The following NBEA variants were observed in gnomAD, a reference collection of about 807,000 sequenced individuals.
The protein encoded by NBEA is neurobeachin, also known as lysosomal-trafficking regulator 2.
In NBEA, 44 loss-of-function variants were observed where a neutral mutation model predicts 343.4. The observed-to-expected ratio is 0.13, with a 90% CI of 0.10 to 0.16. The LOEUF is 0.16. NBEA is among the 10% of genes least tolerant of loss of function. The pLI, the probability that NBEA is intolerant of heterozygous loss-of-function variation, is 1.00. For missense variants in NBEA, 2,555 were observed against 3,631.3 expected, an observed-to-expected ratio of 0.70 and a Z score of 7.62; for synonymous variants, 1,175 against 1,238.7, an observed-to-expected ratio of 0.95 and a Z score of 1.08.
At chr13:35,191,179 T>C (rs2072163232) in intron 30 of NBEA, among the ~76,000 whole-genome samples, 1 of 152,088 alleles carries the variant, frequency 6.6e-6, no homozygotes, top group Non-Finnish European at 1.5e-5. Context: ...AACATATGTA[T>C]ACTGGGAGTC....
Position 35,159,376 on chromosome 13 carries a change from G to A in NBEA, c.3205G>A (p.Val1069Ile). Reference protein sequence around the residue: ...IKAEKVEATEVKLDDMDLSPE... With the variant: ...IKAEKVEATEIKLDDMDLSPE... ...AGCAGAGAAAGTGGAAGCAACAGAA[G>A]TAAAGCTCGATGATATGGATTTATC... Residue 1069 changes from valine to isoleucine, a missense_variant, in exon 22 of 59, where the codon GTA becomes ATA. This residue lies in a region of NBEA where 367 missense variants were observed against 377.5 expected (regional missense o/e 0.97). Coordinates refer to ENST00000379939, the MANE Select transcript of NBEA (RefSeq NM_001385012.1). 1 of 1,613,494 alleles carries A rather than the reference G, an allele frequency of 6.2e-7. No individual in the cohort carries two copies. The highest frequency in any genetic ancestry group is 8.5e-7 in the Non-Finnish European group (1 of 1,179,680).
Position 35,424,463 on chromosome 13 carries a change from G to A in NBEA, c.6180-7806G>A, listed in dbSNP as rs78156390. Among the ~76,000 whole-genome samples the A allele has an allele frequency of 4.3e-3, 649 of 152,204 alleles. 1 individual carries two copies. The highest frequency in any genetic ancestry group is 0.013 in the African/African-American group (525 of 41,530). On this transcript the variant is annotated intron_variant, in intron 38 of 58. Transcript: ENST00000379939. ...TGCTGGATTACATTTATTGATTTGCGTATGTTGAACCAGCCTTCTATCCCA... is the reference window on the plus strand; with the variant it reads ...TGCTGGATTACATTTATTGATTTGCATATGTTGAACCAGCCTTCTATCCCA...
intron 18 of NBEA, among the ~76,000 whole-genome samples, chr13:35,144,971 G>C (rs1253677183): frequency 6.6e-6 from 1 of 152,170 alleles, no homozygotes; most frequent in Non-Finnish European, 1.5e-5. Context: ...GGTATCCTTT[G>C]ATGGAGTCCC....
chr13:35,276,464 G>A (rs1482754968), intron 34 of NBEA, among the ~76,000 whole-genome samples: 2 of 152,014 alleles, frequency 1.3e-5, no homozygotes, highest in Non-Finnish European at 2.9e-5. Context: ...TTGGTTTGGA[G>A]GGCATACATG....
intron 34 of NBEA, among the ~76,000 whole-genome samples, chr13:35,253,381 A>G (rs2032209086): frequency 6.6e-6 from 1 of 152,206 alleles, no homozygotes; most frequent in African/African-American, 2.4e-5. Context: ...AAATTAAGGT[A>G]TGTACTTTGT....
At chr13:35,285,108 T>G (rs185308145) in intron 34 of NBEA, among the ~76,000 whole-genome samples, 34 of 152,258 alleles carry the variant, frequency 2.2e-4, no homozygotes, top group African/African-American at 7.9e-4. Context: ...TCAGTGCCAT[T>G]CAGCTCTACT....
intron 10 of NBEA, among the ~76,000 whole-genome samples, chr13:35,077,543 T>A (rs1291169156): frequency 1.3e-5 from 2 of 152,124 alleles, no homozygotes; most frequent in African/African-American, 4.8e-5. Context: ...CTATTGATAT[T>A]ATTCCTTAAA....
intron 41 of NBEA, among the ~76,000 whole-genome samples, chr13:35,487,720 C>T (rs749213750): frequency 6.6e-6 from 1 of 151,962 alleles, no homozygotes; most frequent in African/African-American, 2.4e-5. Context: ...CTTCTGGCCC[C>T]TACTTTCCCT....
chr13:35,015,675 A>G (rs916548173), intron 1 of NBEA, among the ~76,000 whole-genome samples: 19 of 152,070 alleles, frequency 1.2e-4, no homozygotes, highest in African/African-American at 4.3e-4. Flanking sequence ...CTTCAGAAAA[A>G]CATTATGAAG....
intron 41 of NBEA, chr13:35,475,690 T>G (rs759304387): frequency 3.1e-6 from 5 of 1,613,686 alleles, no homozygotes; most frequent in Non-Finnish European, 4.2e-6. Context: ...TGCCACCATC[T>G]TTACCACATC....
intron 40 of NBEA, among the ~76,000 whole-genome samples, chr13:35,465,693 T>C (rs1485517174): frequency 6.6e-6 from 1 of 152,200 alleles, no homozygotes; most frequent in Non-Finnish European, 1.5e-5. Flanking sequence ...CACTGAACAT[T>C]GAAACTATCA....
intron 36 of NBEA, among the ~76,000 whole-genome samples, chr13:35,345,056 G>A (rs1486156941): frequency 1.3e-5 from 2 of 152,066 alleles, no homozygotes; most frequent in Admixed American, 6.6e-5. Flanking sequence ...GGAAGACGGT[G>A]ATGAGGGAAA....
rs2059076318 is a variant in NBEA at position 34,942,967 on chromosome 13, C to T, written c.147C>T (p.Ser49=). The T allele has an allele frequency of 5.6e-6, 9 of 1,601,444 alleles. No homozygotes were observed. Among genetic ancestry groups the T allele is most frequent in the Non-Finnish European group, 6.8e-6 (8 of 1,174,244 alleles). The change falls in exon 1 of 59, where the codon TCC becomes TCT. Residue 49 remains serine (S), a synonymous_variant. Coordinates refer to ENST00000379939, the MANE Select transcript of NBEA (RefSeq NM_001385012.1). ...GGATGGGGGAGCTAAGGGGGGCGTC[C>T]GGCTCCGGCTCGGTGATGCTCCCCG... ...GSGMGELRGA[S]GSGSVMLPAG... is the part of the protein sequence containing the mutation.
intron 10 of NBEA, among the ~76,000 whole-genome samples, chr13:35,081,333 G>C (rs1226712201): frequency 6.6e-6 from 1 of 152,068 alleles, no homozygotes; most frequent in African/African-American, 2.4e-5. Context: ...ATCTTCTTTA[G>C]ACACTTCCTT....
intron 38 of NBEA, among the ~76,000 whole-genome samples, chr13:35,398,657 T>C (rs1341833428): frequency 2.6e-5 from 4 of 152,198 alleles, no homozygotes; most frequent in African/African-American, 9.6e-5. Flanking sequence ...TAGGTCTCAA[T>C]AGTGGGCTTA....
intron 18 of NBEA, among the ~76,000 whole-genome samples, chr13:35,154,398 A>C (rs2069010414): frequency 6.6e-6 from 1 of 152,166 alleles, no homozygotes; most frequent in African/African-American, 2.4e-5. Context: ...ACTTAGGTTT[A>C]ACTGTTTATT....
chr13:34,957,022 TAC>T (rs113442970), intron 1 of NBEA, among the ~76,000 whole-genome samples: 2,182 of 150,840 alleles, frequency 0.014, 53 homozygotes, highest in African/African-American at 0.05. Flanking sequence ...TATATATATA[TAC>T]ACACACACAC....
intron 27 of NBEA, 22 bp from the exon 28 acceptor site, chr13:35,176,974 A>T (rs763045372): frequency 6.9e-7 from 1 of 1,443,994 alleles, no homozygotes; most frequent in Non-Finnish European, 9.6e-7. Context: ...TTATCTATTC[A>T]CAATTCTTTT....
intron 35 of NBEA, among the ~76,000 whole-genome samples, chr13:35,296,925 G>A (rs2036170826): frequency 6.6e-6 from 1 of 150,998 alleles, no homozygotes; most frequent in South Asian, 2.1e-4. Flanking sequence ...CATTTTTTCT[G>A]TGGTTTCGTT....
Sources: gnomAD v4.1 joint callset for allele counts (sites outside exome capture counted in the v4.1 genomes callset) on GRCh38, gnomAD v4.1.1 for gene constraint, gnomAD v4.1.1 regional missense constraint, MANE v1.5 for transcripts, NCBI Gene and HGNC (gene_info 2026-07-23, HGNC 2026-07-21) for gene names.